The following MACROD2 variants were observed in gnomAD, a reference collection of about 807,000 sequenced individuals.
The protein encoded by MACROD2 is mono-ADP ribosylhydrolase 2, also known as ADP-ribose glycohydrolase MACROD2.
A neutral mutation model predicts 70.4 loss-of-function variants in MACROD2; 36 were observed. The ratio of observed to expected loss-of-function variants is 0.51; its 90% confidence interval spans 0.39 to 0.68. The LOEUF (loss-of-function observed/expected upper bound fraction) is 0.68. Ranked by LOEUF, MACROD2 falls within the 30% of genes least tolerant of loss-of-function variation. The probability of loss-of-function intolerance (pLI) is 0.00; values close to 1 mark genes in which losing one functional copy is unlikely to be tolerated. For synonymous variants in MACROD2, 172 were observed against 178.8 expected (o/e 0.96, Z 0.30); for missense variants, 496 against 538.4 (o/e 0.92, Z 0.78).
intron 3 of MACROD2, among the ~76,000 whole-genome samples, chr20:14,269,533 A>G (rs2082172858): frequency 6.6e-6 from 1 of 152,176 alleles, no homozygotes; most frequent in African/African-American, 2.4e-5. Context: ...CATAAATAAG[A>G]AGTATTTTGG....
At chr20:14,826,766 A>G (rs1364831785) in intron 5 of MACROD2, among the ~76,000 whole-genome samples, 1 of 152,126 alleles carries the variant, frequency 6.6e-6, no homozygotes, top group Admixed American at 6.6e-5. Flanking sequence ...CACGGATGTA[A>G]CTAGTTGAAA....
intron 8 of MACROD2, among the ~76,000 whole-genome samples, chr20:15,667,703 C>T (rs1446250931): frequency 6.6e-6 from 1 of 152,148 alleles, no homozygotes. Flanking sequence ...AATCCTCCCA[C>T]CTGTTACGGC....
chr20:15,193,674 AATG>A (rs1297048431), intron 5 of MACROD2, among the ~76,000 whole-genome samples: 1 of 151,866 alleles, frequency 6.6e-6, no homozygotes, highest in African/African-American at 2.4e-5. Flanking sequence ...ATGGGAGATG[AATG>A]ATGAATAAAT....
intron 3 of MACROD2, among the ~76,000 whole-genome samples, chr20:14,305,866 T>C (rs1167361871): frequency 6.6e-6 from 1 of 152,054 alleles, no homozygotes; most frequent in Admixed American, 6.6e-5. Context: ...TTGAATTCCT[T>C]TATTTTGGAT....
intron 7 of MACROD2, among the ~76,000 whole-genome samples, chr20:15,489,521 T>C (rs1198971428): frequency 2.0e-5 from 3 of 152,304 alleles, no homozygotes. Context: ...AAGAGATTCC[T>C]TGGGCCCCAC....
At chr20:15,555,412 A>G (rs1283008520) in intron 8 of MACROD2, among the ~76,000 whole-genome samples, 3 of 152,148 alleles carry the variant, frequency 2.0e-5, no homozygotes, top group Non-Finnish European at 4.4e-5. Context: ...AATACAGTTT[A>G]ATACACTTTT....
chr20:14,213,386 A>AAAAAAT (rs2081587125), intron 3 of MACROD2, among the ~76,000 whole-genome samples: 1 of 146,228 alleles, frequency 6.8e-6, no homozygotes, highest in Non-Finnish European at 1.5e-5. Flanking sequence ...AAAAAAAAAA[A>AAAAAAT]GGCCAATTAT....
chr20:15,427,006 G>A (rs2046306730), intron 6 of MACROD2, among the ~76,000 whole-genome samples: 1 of 145,776 alleles, frequency 6.9e-6, no homozygotes, highest in African/African-American at 2.6e-5. Context: ...CTCTCTCCCT[G>A]TCTCTCTCTG....
chr20:14,709,494 C>G (rs1266882664), intron 5 of MACROD2, among the ~76,000 whole-genome samples: 1 of 152,112 alleles, frequency 6.6e-6, no homozygotes, highest in Non-Finnish European at 1.5e-5. Flanking sequence ...AGTATATATC[C>G]TGATCCAACA....
At chr20:14,500,006 C>T (rs926933396) in intron 4 of MACROD2, among the ~76,000 whole-genome samples, 2 of 152,140 alleles carry the variant, frequency 1.3e-5, no homozygotes, top group African/African-American at 4.8e-5. Context: ...AGGAAGTCAA[C>T]AGCTTATAGT....
intron 8 of MACROD2, among the ~76,000 whole-genome samples, chr20:15,806,278 G>A (rs758239015): frequency 1.3e-5 from 2 of 152,110 alleles, no homozygotes; most frequent in African/African-American, 2.4e-5. Context: ...ATTGGTGGCC[G>A]TCTCTCAACA....
chr20:14,731,009 A>ACACACACACG (rs1555822607), intron 5 of MACROD2, among the ~76,000 whole-genome samples: 36 of 106,794 alleles, frequency 3.4e-4, no homozygotes, highest in African/African-American at 1.2e-3. Context: ...ACACACACAC[A>ACACACACACG]TGCACACACA....
intron 3 of MACROD2, among the ~76,000 whole-genome samples, chr20:14,219,426 C>T (rs1161268336): frequency 6.6e-6 from 1 of 151,864 alleles, no homozygotes; most frequent in Non-Finnish European, 1.5e-5. Context: ...AATATTTCTC[C>T]CTTCACTTCT....
At chr20:15,497,987 T>C (rs1002490543) in intron 7 of MACROD2, among the ~76,000 whole-genome samples, 1 of 152,150 alleles carries the variant, frequency 6.6e-6, no homozygotes, top group Non-Finnish European at 1.5e-5. Context: ...TTAAAGAAAA[T>C]TTAAGAGTTT....
At chr20:15,974,432 A>G (rs558275378) in intron 13 of MACROD2, among the ~76,000 whole-genome samples, 3 of 152,312 alleles carry the variant, frequency 2.0e-5, no homozygotes, top group South Asian at 4.1e-4. Context: ...AAGGCTACAT[A>G]TTGTATGAAT....
At chr20:15,833,723 C>T (rs562842681) in intron 8 of MACROD2, among the ~76,000 whole-genome samples, 1 of 152,186 alleles carries the variant, frequency 6.6e-6, no homozygotes, top group African/African-American at 2.4e-5. Flanking sequence ...CCAAGCAGGA[C>T]TGACTCATCT....
intron 5 of MACROD2, among the ~76,000 whole-genome samples, chr20:14,719,667 T>G (rs896778643): frequency 6.6e-6 from 1 of 152,052 alleles, no homozygotes; most frequent in Non-Finnish European, 1.5e-5. Flanking sequence ...TAAAAAAAAA[T>G]GAGTGCCATA....
intron 3 of MACROD2, among the ~76,000 whole-genome samples, chr20:14,240,176 G>A (rs2081916140): frequency 6.6e-6 from 1 of 152,080 alleles, no homozygotes; most frequent in South Asian, 2.1e-4. Flanking sequence ...TCATTAAAAA[G>A]TCAAAAAAAT....
intron 5 of MACROD2, among the ~76,000 whole-genome samples, chr20:14,749,461 G>A (rs2071841558): frequency 6.6e-6 from 1 of 152,060 alleles, no homozygotes; most frequent in South Asian, 2.1e-4. Context: ...ATCTCTAAGT[G>A]TGTATCACCA....
Sources: allele counts gnomAD v4.1 joint callset (sites outside exome capture counted in the v4.1 genomes callset), GRCh38; gene constraint gnomAD v4.1.1; transcripts MANE v1.5; gene names NCBI Gene and HGNC (gene_info 2026-07-23, HGNC 2026-07-21).